DAB2: variants seen among roughly 807,000 people sequenced by gnomAD.
DAB2 encodes disabled homolog 2.
In DAB2, 28 loss-of-function variants were observed where a neutral mutation model predicts 71.6. The observed-to-expected ratio is 0.39, with a 90% confidence interval of 0.29 to 0.54. The LOEUF (loss-of-function observed/expected upper bound fraction) is 0.54. DAB2 is among the 20% of genes least tolerant of loss of function. DAB2 has a pLI of 0.68. For synonymous variants in DAB2, 345 were observed against 339.7 expected, an observed-to-expected ratio of 1.02 and a Z score of -0.17; for missense variants, 867 against 928.8, an observed-to-expected ratio of 0.93 and a Z score of 0.86.
Position 39,389,632 on chromosome 5 carries a change from C to T in DAB2, c.543+220G>A, listed in dbSNP as rs749949812. On this transcript the variant is annotated intron_variant, in intron 6 of 14. Coordinates refer to ENST00000320816, the MANE Select transcript of DAB2 (RefSeq NM_001343.4). ...TTCAAGTGATTCTCCTTGCTTCAGACGCCCAAGTAGCTGGGATTACAGGTG... is the reference window on the plus strand; with the variant it reads ...TTCAAGTGATTCTCCTTGCTTCAGATGCCCAAGTAGCTGGGATTACAGGTG... Among the ~76,000 whole-genome samples, 110 of 152,110 alleles carry T rather than the reference C, an allele frequency of 7.2e-4. 1 individual carries two copies. The highest frequency in any genetic ancestry group is 7.4e-5 in the Non-Finnish European group (5 of 68,020).
At position 39,389,912 on chromosome 5, in the gene DAB2, A is replaced by T. The variant is rs374367426; in HGVS notation, c.483T>A (p.Asp161Glu). ...TGQQAEPLVV[D>E]LKDLFQVIYN... ...AGATAACTTGAAAAAGGTCTTTAAG[A>T]TCAACAACTAATGGTTCAGCCTGCA... Residue 161 changes from aspartate to glutamate, a missense_variant, in exon 6 of 15, where the codon GAT (aspartate) becomes GAA (glutamate). Asp to Glu is a conservative substitution (Grantham distance 45). Coordinates refer to ENST00000320816, the MANE Select transcript of DAB2 (RefSeq NM_001343.4). 4 of 1,595,862 alleles carry T rather than the reference A, an allele frequency of 2.5e-6. No homozygotes were observed. The highest frequency in any genetic ancestry group is 3.4e-6 in the Non-Finnish European group (4 of 1,170,036).
At chr5:39,415,983 T>C (rs751867828) in intron 1 of DAB2, among the ~76,000 whole-genome samples, 2 of 152,154 alleles carry the variant, frequency 1.3e-5, no homozygotes, top group South Asian at 2.1e-4. Flanking sequence ...TCATGTTTAA[T>C]GAATGAGTCA....
chr5:39,388,431 A>C (rs577566990), intron 8 of DAB2, 64 bp from the exon 9 acceptor site: 2 of 1,135,474 alleles, frequency 1.8e-6, no homozygotes, highest in African/African-American at 3.1e-5. Flanking sequence ...CGTATATTGT[A>C]ATCATTTGTT....
Position 39,382,888 on chromosome 5 carries a change from C to T in DAB2, c.1071G>A (p.Gln357=), listed in dbSNP as rs1171113653. The T allele has an allele frequency of 1.2e-6, 2 of 1,614,000 alleles. No individual in the cohort carries two copies. The highest frequency in any genetic ancestry group is 2.2e-5 in the East Asian group (1 of 44,890). Residue 357 remains glutamine, a synonymous_variant, in exon 10 of 15, where the codon CAG becomes CAA. Transcript: ENST00000320816. ...AGGGCCATGGGCCTGCCTGAGCTTC[C>T]TGTTTGCCAGTCCGGTTAGAGATCT... ...FDQISNRTGK[Q]EAQAGPWPFS...
At chr5:39,390,396 G>A (rs1383398695) in intron 5 of DAB2, 48 bp downstream of exon 5, 2 of 1,584,368 alleles carry the variant, frequency 1.3e-6, no homozygotes, top group Non-Finnish European at 1.7e-6. Context: ...ACACTCCAAT[G>A]TCCACAGAGG....
intron 1 of DAB2, among the ~76,000 whole-genome samples, chr5:39,401,940 C>T (rs1311875954): frequency 4.0e-5 from 6 of 151,746 alleles, no homozygotes; most frequent in South Asian, 2.1e-4. Context: ...TTTTGAGACT[C>T]GGTAATTTAT....
In DAB2 at chr5:39,403,274, G is replaced by A. The variant is rs568828270; in HGVS notation, c.-101-8853C>T. Among the ~76,000 whole-genome samples, 5 of 152,240 alleles carry A rather than the reference G, an allele frequency of 3.3e-5. No homozygotes were observed. The South Asian group carries it at 1.0e-3, about 32-fold the overall frequency. Reference sequence around the variant, plus strand: ...GTCTAATTGTGAAATAGCTGGAGGGGACAAAGCTGGCACCAGGAAAGATCT... The same window carrying A: ...GTCTAATTGTGAAATAGCTGGAGGGAACAAAGCTGGCACCAGGAAAGATCT... On this transcript the variant is annotated intron_variant, in intron 1 of 14. Coordinates refer to ENST00000320816, the MANE Select transcript of DAB2 (RefSeq NM_001343.4).
rs1486628610 is a variant in DAB2 at position 39,376,957 on chromosome 5, G to T, written c.1830C>A (p.Ser610=). The T allele has an allele frequency of 6.2e-7, 1 of 1,614,000 alleles. No individual in the cohort carries two copies. Among genetic ancestry groups the T allele is most frequent in the African/African-American group, 1.3e-5 (1 of 74,902 alleles). The part of the protein sequence containing the change: ...PAPAVSTQPP[S]MHSSLLVTPP... ...GAGTGACCAGGAGAGAGGAGTGCAT[G>T]GATGGGGGCTGAGTGGACACAGCAG... Residue 610 remains serine (S), a synonymous_variant, in exon 12 of 15, where the codon TCC becomes TCA. Transcript: ENST00000320816.
chr5:39,416,830 A>C (rs1266602130), intron 1 of DAB2, among the ~76,000 whole-genome samples: 1 of 152,124 alleles, frequency 6.6e-6, no homozygotes, highest in Admixed American at 6.6e-5. Flanking sequence ...TAGGCTCGAC[A>C]CAGTCTGTTA....
chr5:39,388,940 G>A (rs1755159757), intron 7 of DAB2, 88 bp from the exon 8 acceptor site: 2 of 1,332,874 alleles, frequency 1.5e-6, no homozygotes, highest in East Asian at 2.3e-5. Flanking sequence ...AAGCAGCAAT[G>A]GTTTTGGTAT....
chr5:39,394,222 C>A lies in DAB2; in HGVS notation c.91+8G>T. 1 of 1,612,646 alleles carries A rather than the reference C, an allele frequency of 6.2e-7. No homozygotes were observed. The highest frequency in any genetic ancestry group is 8.5e-7 in the Non-Finnish European group (1 of 1,178,722). On this transcript the variant is annotated splice_region_variant and intron_variant, in intron 2 of 14. Coordinates refer to ENST00000320816, the MANE Select transcript of DAB2 (RefSeq NM_001343.4). ...CCCTTCCTTGGCTTCAAGTGGATTT[C>A]TCCATACCTTTCTTTTTTTCCTTCT...
intron 6 of DAB2, among the ~76,000 whole-genome samples, chr5:39,389,647 G>GT (rs1299839157): frequency 1.3e-5 from 2 of 152,040 alleles, no homozygotes; most frequent in Non-Finnish European, 2.9e-5. Context: ...AAGTAGCTGG[G>GT]ATTACAGGTG....
chr5:39,382,679 G>C lies in DAB2; in HGVS notation c.1280C>G (p.Ser427Cys). Residue 427 changes from serine (S) to cysteine (C), a missense_variant, in exon 10 of 15, where the codon TCC becomes TGC. Coordinates refer to ENST00000320816, the MANE Select transcript of DAB2 (RefSeq NM_001343.4). ...TTGTGGAGGTGGGATAATGGCTATG[G>C]AGTCATGTGGTGAGGACTGGACAGA... ...ESSVQSSPHD[S>C]IAIIPPPQST... 4.3e-6 allele frequency: 7 copies of C among 1,614,186 alleles called. No homozygotes were observed. Among genetic ancestry groups the C allele is most frequent in the Non-Finnish European group, 5.9e-6 (7 of 1,180,022 alleles).
chr5:39,380,963 T>C (rs1227527934), intron 11 of DAB2, among the ~76,000 whole-genome samples: 4 of 152,172 alleles, frequency 2.6e-5, no homozygotes, highest in Non-Finnish European at 5.9e-5. Context: ...GCCCAGAACC[T>C]AGGACTTTCA....
intron 11 of DAB2, among the ~76,000 whole-genome samples, chr5:39,380,023 G>A (rs1445839052): frequency 6.6e-6 from 1 of 152,148 alleles, no homozygotes; most frequent in Non-Finnish European, 1.5e-5. Flanking sequence ...AATTCTTAAG[G>A]GCATTGATAT....
chr5:39,389,474 T>C (rs1029756631), intron 6 of DAB2, among the ~76,000 whole-genome samples: 1 of 152,036 alleles, frequency 6.6e-6, no homozygotes, highest in African/African-American at 2.4e-5. Flanking sequence ...AGATAGACCA[T>C]ATTTATATAT....
chr5:39,378,901 ACTC>A (rs1018916635), intron 11 of DAB2, among the ~76,000 whole-genome samples: 2 of 152,176 alleles, frequency 1.3e-5, no homozygotes, highest in Non-Finnish European at 2.9e-5. Flanking sequence ...TGAAGAATAT[ACTC>A]CTTTCATAAC....
Position 39,424,829 on chromosome 5 carries a change from G to T in DAB2, c.-127C>A, listed in dbSNP as rs752797996. ...CGGCTAGCTATTGCCTCCGTGAAGC[G>T]AGCATGACTTCCCCGCGCCCGGAGC... On this transcript the variant is annotated 5_prime_UTR_variant, in exon 1 of 15. Coordinates refer to ENST00000320816, the MANE Select transcript of DAB2 (RefSeq NM_001343.4). The T allele has an allele frequency of 6.6e-6, 1 of 152,538 alleles. No homozygotes were observed. The highest frequency in any genetic ancestry group is 2.4e-5 in the African/African-American group (1 of 41,402). The allele number at this position is 152,538 out of a possible 1,614,324, so 9.4% of individuals were successfully genotyped here. A position where few individuals can be genotyped will look rare whatever the true frequency, so the allele number is the denominator to read the frequency against.
intron 1 of DAB2, chr5:39,408,522 G>A (rs1755653396): frequency 6.6e-6 from 1 of 152,242 alleles, no homozygotes; most frequent in Admixed American, 6.5e-5. Flanking sequence ...TGGTGGCCTT[G>A]CTAATCCCAG....
Sources: gnomAD v4.1 joint callset for allele counts (sites outside exome capture counted in the v4.1 genomes callset) on GRCh38, gnomAD v4.1.1 for gene constraint, MANE v1.5 for transcripts, NCBI Gene and HGNC (gene_info 2026-07-23, HGNC 2026-07-21) for gene names.